The following LIN37 variants were observed in gnomAD, a reference collection of about 807,000 sequenced individuals.
LIN37 encodes lin-37 DREAM MuvB core complex component, also known as protein lin-37 homolog.
A neutral mutation model predicts 38.0 loss-of-function variants in LIN37; 21 were observed. That is an observed-to-expected ratio of 0.55 (90% CI 0.39 to 0.80). The LOEUF (loss-of-function observed/expected upper bound fraction) is 0.80. Ranked by LOEUF, LIN37 falls within the 30% of genes least tolerant of loss-of-function variation. The pLI is 0.00. For synonymous variants in LIN37, 126 were observed against 122.9 expected, an observed-to-expected ratio of 1.03 and a Z score of -0.17; for missense variants, 273 against 338.5, an observed-to-expected ratio of 0.81 and a Z score of 1.52.
intron 1 of LIN37, 195 bp from the exon 2 acceptor site, chr19:35,751,981 C>T (rs1384875297): frequency 1.3e-5 from 7 of 540,446 alleles, no homozygotes; most frequent in East Asian, 3.0e-5. Flanking sequence ...AGAGCAATCA[C>T]GTGGGACAGC....
Position 35,752,739 on chromosome 19 carries a change from C to CAAA in LIN37, c.162-65_162-64insAAA, listed in dbSNP as rs1970695503. On this transcript the variant is annotated intron_variant, in intron 3 of 8. Transcript: ENST00000301159. ...CATCTCAGGTTTGATACCAGTATCC[C>CAAA]CAGGGTGCCCTCTGCAGGGTTTTGC... The CAAA allele has an allele frequency of 7.0e-6, 11 of 1,573,412 alleles. No homozygotes were observed. The South Asian group carries it at 1.3e-4, about 18-fold the overall frequency.
chr19:35,752,584 G>A, intron 3 of LIN37, 100 bp downstream of exon 3: 1 of 1,360,688 alleles, frequency 7.3e-7, no homozygotes, highest in Non-Finnish European at 1.0e-6. Flanking sequence ...CCTCCATCGT[G>A]GCCCGGACCA....
Position 35,752,803 on chromosome 19 carries a change from G to A in LIN37, c.162-1G>A. ...TGAGGGTCAACTGTCTTTCCCCACAGGGACTGCTCCATCGCAGCCACTGGC... is the reference window on the plus strand; with the variant it reads ...TGAGGGTCAACTGTCTTTCCCCACAAGGACTGCTCCATCGCAGCCACTGGC... On this transcript the variant is annotated splice_acceptor_variant, in intron 3 of 8. Coordinates refer to ENST00000301159, the MANE Select transcript of LIN37 (RefSeq NM_019104.3). LOFTEE classifies it high-confidence loss of function. 1 of 1,609,694 alleles carries A rather than the reference G, an allele frequency of 6.2e-7. No homozygotes were observed.
intron 6 of LIN37, chr19:35,753,505 T>TCCAA: frequency 1.7e-6 from 1 of 590,496 alleles, no homozygotes; most frequent in African/African-American, 1.9e-5. Context: ...GATGTGGACC[T>TCCAA]CCAAGATCAG....
Position 35,754,485 on chromosome 19 carries a change from TC to T in LIN37, c.*17del, listed in dbSNP as rs750773782. 1.9e-5 allele frequency: 31 copies of T among 1,612,616 alleles called. No homozygotes were observed. Among genetic ancestry groups the T allele is most frequent in the Non-Finnish European group, 2.5e-5 (29 of 1,178,896 alleles). Reference sequence around the variant, plus strand: ...TACGAACGACAGTGATGTTCCCAGGTCCCCCCACACCAGTAAACATCCCCCA... The same window carrying T: ...TACGAACGACAGTGATGTTCCCAGGTCCCCCACACCAGTAAACATCCCCCA... On this transcript the variant is annotated 3_prime_UTR_variant, in exon 9 of 9. Coordinates refer to ENST00000301159, the MANE Select transcript of LIN37 (RefSeq NM_019104.3).
Position 35,754,293 on chromosome 19 carries a change from G to A in LIN37, c.633G>A (p.Met211Ile), listed in dbSNP as rs1364062334. 4 of 1,614,006 alleles carry A rather than the reference G, an allele frequency of 2.5e-6. No individual in the cohort carries two copies. The highest frequency in any genetic ancestry group is 4.5e-5 in the East Asian group (2 of 44,886). ...CCTCCACACTCATCTATCGCAACATGCAGCGCTGGAAACGCATCCGCCAGA... is the reference window on the plus strand; with the variant it reads ...CCTCCACACTCATCTATCGCAACATACAGCGCTGGAAACGCATCCGCCAGA... ...PSPSTLIYRN[M>I]QRWKRIRQRW... is the part of the protein sequence containing the mutation. Residue 211 changes from methionine to isoleucine, a missense_variant, in exon 8 of 9, where the codon ATG becomes ATA. Transcript: ENST00000301159.
intron 1 of LIN37, 96 bp downstream of exon 1, chr19:35,748,854 A>G (rs1970639242): frequency 1.2e-6 from 2 of 1,604,454 alleles, no homozygotes; most frequent in South Asian, 2.2e-5. Flanking sequence ...GGACTGCACG[A>G]CTTTTCCCTG....
At chr19:35,750,538 G>C (rs1229068409) in intron 1 of LIN37, among the ~76,000 whole-genome samples, 1 of 152,232 alleles carries the variant, frequency 6.6e-6, no homozygotes, top group East Asian at 1.9e-4. Context: ...TAGGAGGACA[G>C]CGTAACATCA....
At position 35,754,282 on chromosome 19, in the gene LIN37, T is replaced by G. The variant is rs768206871; in HGVS notation, c.622T>G (p.Tyr208Asp). ...EPEPSPSTLIYRNMQRWKRIR... is the reference protein window; with the variant it reads ...EPEPSPSTLIDRNMQRWKRIR... ...CGAGCCCTCACCCTCCACACTCATC[T>G]ATCGCAACATGCAGCGCTGGAAACG... Residue 208 changes from tyrosine to aspartate, a missense_variant, in exon 8 of 9, where the codon TAT becomes GAT. Tyr to Asp is a radical substitution (Grantham distance 160). Coordinates refer to ENST00000301159, the MANE Select transcript of LIN37 (RefSeq NM_019104.3). The G allele has an allele frequency of 6.2e-7, 1 of 1,614,042 alleles. No individual in the cohort carries two copies. The highest frequency in any genetic ancestry group is 1.1e-5 in the South Asian group (1 of 91,088).
Position 35,749,019 on chromosome 19 carries a change from G to A in LIN37, c.34+261G>A, listed in dbSNP as rs1970642980. ...TGGGGAATCCTGAGCCGGTAACTCT[G>A]AGAAGGGCCCTTTTCTTTCCTCTTT... On this transcript the variant is annotated intron_variant, in intron 1 of 8. Coordinates refer to ENST00000301159, the MANE Select transcript of LIN37 (RefSeq NM_019104.3). 3.1e-6 allele frequency: 4 copies of A among 1,281,738 alleles called. No homozygotes were observed. In the African/African-American group the frequency reaches 4.5e-5, roughly 15 times the overall value. 79.4% of individuals were successfully genotyped at this position (1,281,738 alleles called of 1,614,324 possible). A position where few individuals can be genotyped will look rare whatever the true frequency, so the allele number is the denominator to read the frequency against.
intron 6 of LIN37, chr19:35,753,489 C>T (rs1172964498): frequency 4.9e-6 from 3 of 613,486 alleles, no homozygotes; most frequent in East Asian, 5.7e-5. Context: ...TTACCCTGGA[C>T]AGTTAGATGT....
chr19:35,748,862 C>T, intron 1 of LIN37, 104 bp downstream of exon 1: 4 of 1,600,568 alleles, frequency 2.5e-6, no homozygotes, highest in Non-Finnish European at 3.4e-6. Flanking sequence ...CGACTTTTCC[C>T]TGAAGCCCAC....
At chr19:35,753,535 G>T in intron 6 of LIN37, 2 of 560,638 alleles carry the variant, frequency 3.6e-6, no homozygotes, top group East Asian at 3.1e-5. Flanking sequence ...AGAGCCGAGG[G>T]GCTAGACAAG....
chr19:35,752,588 C>A, intron 3 of LIN37, 104 bp downstream of exon 3: 1 of 1,330,248 alleles, frequency 7.5e-7, no homozygotes, highest in South Asian at 1.2e-5. Context: ...CATCGTGGCC[C>A]GGACCACTCC....
intron 1 of LIN37, chr19:35,751,815 C>A (rs868435607): frequency 6.0e-6 from 1 of 166,502 alleles, no homozygotes; most frequent in Non-Finnish European, 1.3e-5. Context: ...CGAGATGGCT[C>A]ACCTGAATCT....
At chr19:35,751,062 C>T (rs369234779) in intron 1 of LIN37, among the ~76,000 whole-genome samples, 1 of 152,190 alleles carries the variant, frequency 6.6e-6, no homozygotes, top group African/African-American at 2.4e-5. Flanking sequence ...CATGGTGGCT[C>T]ACGCCTGTAA....
chr19:35,749,585 G>A lies in LIN37; in HGVS notation c.34+827G>A, dbSNP rs184357851. 5.3e-5 allele frequency among the ~76,000 whole-genome samples: 8 copies of A among 151,708 alleles called. No homozygotes were observed. The East Asian group carries it at 1.6e-3, about 29-fold the overall frequency. On this transcript the variant is annotated intron_variant, in intron 1 of 8. Transcript: ENST00000301159. Reference sequence around the variant, plus strand: ...GAGGCTGGCAGATCACTTGAGGTCAGGAGTTTGAGACCAGCCTGGGCAACA... The same window carrying A: ...GAGGCTGGCAGATCACTTGAGGTCAAGAGTTTGAGACCAGCCTGGGCAACA...
chr19:35,753,151 A>C lies in LIN37; in HGVS notation c.342A>C (p.Pro114=), dbSNP rs1970704127. 2 of 1,598,590 alleles carry C rather than the reference A, an allele frequency of 1.3e-6. No homozygotes were observed. The highest frequency in any genetic ancestry group is 1.7e-6 in the Non-Finnish European group (2 of 1,172,972). ...TGGCCCAGTTCAGCGAGAACACGCC[A>C]CTGTACCCAATCTGCCGCGCCTGGA... is the stretch of plus-strand genomic sequence containing the variant. ...VDLAQFSENT[P]LYPICRAWMR... Residue 114 remains proline, a synonymous_variant, in exon 6 of 9, where the codon CCA becomes CCC. Coordinates refer to ENST00000301159, the MANE Select transcript of LIN37 (RefSeq NM_019104.3).
Position 35,754,155 on chromosome 19 carries a change from G to A in LIN37, c.583G>A (p.Glu195Lys). 6.2e-7 allele frequency: 1 copy of A among 1,614,018 alleles called. No homozygotes were observed. Among genetic ancestry groups the A allele is most frequent in the Non-Finnish European group, 8.5e-7 (1 of 1,179,884 alleles). Residue 195 changes from glutamate (E) to lysine (K), a missense_variant and splice_region_variant, in exon 7 of 9, where the codon GAG becomes AAG. Physicochemically the swap from Glu to Lys is moderately conservative, Grantham distance 56 (BLOSUM62 1). Coordinates refer to ENST00000301159, the MANE Select transcript of LIN37 (RefSeq NM_019104.3). ...TGAGATGCAGGGCACCCCTGACGAT[G>A]AGGTGAGTATGCCAGGCTGGCCCAG... is the stretch of plus-strand genomic sequence containing the variant. The part of the protein sequence containing the change: ...QPEMQGTPDD[E>K]PSEPEPSPST...
Sources: gnomAD v4.1 joint callset for allele counts (sites outside exome capture counted in the v4.1 genomes callset) on GRCh38, gnomAD v4.1.1 for gene constraint, MANE v1.5 for transcripts, NCBI Gene and HGNC (gene_info 2026-07-23, HGNC 2026-07-21) for gene names.